Variants in EMC7 observed in about 807,000 individuals in gnomAD.
EMC7 encodes ER membrane protein complex subunit 7.
A neutral mutation model predicts 24.4 loss-of-function variants in EMC7; 4 were observed. The observed-to-expected ratio is 0.16, with a 90% confidence interval of 0.08 to 0.38. The LOEUF (loss-of-function observed/expected upper bound fraction) is 0.38. EMC7 is among the 10% of genes least tolerant of loss of function. EMC7 has a pLI of 1.00. For missense variants in EMC7, 221 were observed against 300.6 expected, an observed-to-expected ratio of 0.74 and a Z score of 1.96; for synonymous variants, 106 against 112.0, an observed-to-expected ratio of 0.95 and a Z score of 0.34.
chr15:34,088,414 CAG>C (rs1900924192), intron 3 of EMC7, among the ~76,000 whole-genome samples: 2 of 151,044 alleles, frequency 1.3e-5, no homozygotes, highest in Admixed American at 1.3e-4. Context: ...TATCTTTTTG[CAG>C]AGTTACAGTG....
At chr15:34,086,411 CA>C (rs1900887430) in intron 4 of EMC7, 2 of 162,444 alleles carry the variant, frequency 1.2e-5, no homozygotes, top group South Asian at 1.4e-4. Context: ...TTACTATGTG[CA>C]AAGCACTTCA....
chr15:34,096,018 GA>G lies in EMC7; in HGVS notation c.237-5del. ...AACCACAAAACTCCCATCTGTCCTGGAAAAATGAAAATCATGTTTAGCTACT... is the reference window on the plus strand; with the variant it reads ...AACCACAAAACTCCCATCTGTCCTGGAAAATGAAAATCATGTTTAGCTACT... On this transcript the variant is annotated splice_region_variant and splice_polypyrimidine_tract_variant and intron_variant, in intron 1 of 4. Coordinates refer to ENST00000256545, the MANE Select transcript of EMC7 (RefSeq NM_020154.3). 2 of 1,547,696 alleles carry G rather than the reference GA, an allele frequency of 1.3e-6. No homozygotes were observed. Among genetic ancestry groups the G allele is most frequent in the Non-Finnish European group, 8.8e-7 (1 of 1,135,728 alleles).
At position 34,101,800 on chromosome 15, in the gene EMC7, G is replaced by A. The variant is rs1291085071; in HGVS notation, c.40C>T (p.Leu14=). Residue 14 remains leucine (L), a synonymous_variant, in exon 1 of 5, where the codon CTG becomes TTG. Coordinates refer to ENST00000256545, the MANE Select transcript of EMC7 (RefSeq NM_020154.3). The part of the protein sequence containing the change: ...ALWGFFPVLL[L]LLLSGDVQSS... The stretch of plus-strand genomic sequence containing the variant: ...TGGACATCCCCCGATAGCAGCAGCA[G>A]CAGCAGGACGGGAAAGAAGCCCCAC... 6.2e-7 allele frequency: 1 copy of A among 1,612,222 alleles called. No homozygotes were observed. The highest frequency in any genetic ancestry group is 2.2e-5 in the East Asian group (1 of 44,870).
At position 34,088,118 on chromosome 15, in the gene EMC7, G is replaced by C. The variant is rs994825366; in HGVS notation, c.511C>G (p.Leu171Val). ...LMNPMVMMMV[L>V]PLLIFVLLPK... ...AGAAGCACAAATATCAATAAAGGAA[G>C]AACCATCATCATAACCTGCAGAAAA... Residue 171 changes from leucine to valine, a missense_variant, in exon 4 of 5, where the codon CTT becomes GTT. Transcript: ENST00000256545. 6.2e-7 allele frequency: 1 copy of C among 1,610,592 alleles called. No homozygotes were observed. The highest frequency in any genetic ancestry group is 1.7e-5 in the Admixed American group (1 of 59,664).
At position 34,101,527 on chromosome 15, in the gene EMC7, T is replaced by C. The variant is rs1026689060; in HGVS notation, c.236+77A>G. On this transcript the variant is annotated intron_variant, in intron 1 of 4. Transcript: ENST00000256545. ...CTGAGACAGCGACGTTGTCCCGTCC[T>C]GACACTTAACTCTCCTGGTGGGGTC... 5.4e-6 allele frequency: 8 copies of C among 1,483,830 alleles called. 1 individual carries two copies. In the South Asian group the frequency reaches 9.8e-5, roughly 18 times the overall value. The allele number at this position is 1,483,830 out of a possible 1,614,324, so 91.9% of individuals were successfully genotyped here.
chr15:34,097,358 A>G (rs540667040), intron 1 of EMC7, among the ~76,000 whole-genome samples: 1 of 152,146 alleles, frequency 6.6e-6, no homozygotes, highest in South Asian at 2.1e-4. Flanking sequence ...TTAACAAATA[A>G]TAAAAGGTAT....
intron 1 of EMC7, chr15:34,101,135 A>T (rs1901167433): frequency 6.5e-6 from 1 of 152,766 alleles, no homozygotes; most frequent in Non-Finnish European, 1.4e-5. Context: ...CTCCCAGTCT[A>T]TGTCGTCACT....
Position 34,090,313 on chromosome 15 carries a change from A to C in EMC7, c.495+4T>G. 1.9e-6 allele frequency: 3 copies of C among 1,611,582 alleles called. No individual in the cohort carries two copies. Among genetic ancestry groups the C allele is most frequent in the Non-Finnish European group, 2.5e-6 (3 of 1,179,170 alleles). On this transcript the variant is annotated splice_donor_region_variant and intron_variant, in intron 3 of 4. Transcript: ENST00000256545. Reference sequence around the variant, plus strand: ...AAAGTGCTTTATTTTAGCCTGATACATACCATTGGGTTCATTAGAAAGTCT... The same window carrying C: ...AAAGTGCTTTATTTTAGCCTGATACCTACCATTGGGTTCATTAGAAAGTCT...
intron 3 of EMC7, among the ~76,000 whole-genome samples, chr15:34,089,077 C>T (rs565763912): frequency 3.9e-5 from 6 of 152,194 alleles, no homozygotes; most frequent in South Asian, 2.1e-4. Flanking sequence ...AGGCTGGTCT[C>T]GAACTCCTGA....
At chr15:34,095,727 T>C (rs1223062311) in intron 2 of EMC7, among the ~76,000 whole-genome samples, 168 bp downstream of exon 2, 2 of 152,200 alleles carry the variant, frequency 1.3e-5, no homozygotes, top group Non-Finnish European at 2.9e-5. Flanking sequence ...AACTTTACAA[T>C]TTTTTCAATG....
At chr15:34,096,053 A>C (rs1567503436) in intron 1 of EMC7, 39 bp from the exon 2 acceptor site, 1 of 1,478,472 alleles carries the variant, frequency 6.8e-7, no homozygotes, top group East Asian at 2.4e-5. Context: ...CTACTGATCA[A>C]CAGCTTAGTC....
In EMC7 at chr15:34,084,262, C is replaced by T; in HGVS notation, c.*72G>A. The T allele has an allele frequency of 6.5e-7, 1 of 1,544,196 alleles. No individual in the cohort carries two copies. Among genetic ancestry groups the T allele is most frequent in the Admixed American group, 1.9e-5 (1 of 52,446 alleles). On this transcript the variant is annotated 3_prime_UTR_variant, in exon 5 of 5. Coordinates refer to ENST00000256545, the MANE Select transcript of EMC7 (RefSeq NM_020154.3). ...ACTCAAGTTTATAGTAGTTGCTTCACACGGTTTTCCAAGACTTGGATGCCA... is the reference window on the plus strand; with the variant it reads ...ACTCAAGTTTATAGTAGTTGCTTCATACGGTTTTCCAAGACTTGGATGCCA...
In EMC7 at chr15:34,085,430, A is replaced by C. The variant is rs148522470; in HGVS notation, c.577-944T>G. Among the ~76,000 whole-genome samples, 779 of 152,304 alleles carry C rather than the reference A, an allele frequency of 5.1e-3. 5 individuals carry two copies. Among genetic ancestry groups the C allele is most frequent in the African/African-American group, 0.018 (735 of 41,568 alleles). ...TCAAAGTGAACTTAAAATTGACTTTAGTTCATTCATACATGAAAAAGATAG... is the reference window on the plus strand; with the variant it reads ...TCAAAGTGAACTTAAAATTGACTTTCGTTCATTCATACATGAAAAAGATAG... On this transcript the variant is annotated intron_variant, in intron 4 of 4. Coordinates refer to ENST00000256545, the MANE Select transcript of EMC7 (RefSeq NM_020154.3).
chr15:34,095,413 G>A (rs1901048789), intron 2 of EMC7, among the ~76,000 whole-genome samples: 1 of 152,010 alleles, frequency 6.6e-6, no homozygotes, highest in South Asian at 2.1e-4. Flanking sequence ...CACCTCAATT[G>A]TTTTCCCTAG....
intron 2 of EMC7, among the ~76,000 whole-genome samples, chr15:34,092,261 T>TCACACA (rs375005510): frequency 0.23 from 32,428 of 141,508 alleles, 3,802 homozygotes; most frequent in Middle Eastern, 0.32. Flanking sequence ...TGAGACTCCG[T>TCACACA]CACACACACA....
chr15:34,089,381 C>T (rs951841534), intron 3 of EMC7, among the ~76,000 whole-genome samples: 1 of 152,100 alleles, frequency 6.6e-6, no homozygotes, highest in Non-Finnish European at 1.5e-5. Context: ...TAATACACAT[C>T]GTATGCCTAT....
intron 1 of EMC7, 21 bp downstream of exon 1, chr15:34,101,583 C>A: frequency 6.2e-7 from 1 of 1,611,232 alleles, no homozygotes. Context: ...GCCTTTTTCC[C>A]GCTGCCCTCA....
chr15:34,084,492 A>G lies in EMC7; in HGVS notation c.577-6T>C. On this transcript the variant is annotated splice_polypyrimidine_tract_variant and splice_region_variant and intron_variant, in intron 4 of 4. Transcript: ENST00000256545. ...TTCATTGACTGCTCCATTTCCTGCA[A>G]GAAGACAAGGCACAATGATATGTAG... The G allele has an allele frequency of 6.2e-7, 1 of 1,611,336 alleles. No individual in the cohort carries two copies. Among genetic ancestry groups the G allele is most frequent in the Non-Finnish European group, 8.5e-7 (1 of 1,177,736 alleles).
intron 2 of EMC7, 63 bp from the exon 3 acceptor site, chr15:34,090,518 C>T: frequency 1.9e-6 from 3 of 1,543,194 alleles, no homozygotes; most frequent in Non-Finnish European, 2.6e-6. Flanking sequence ...GTTAAAAGAA[C>T]TGCTTATATT....
Sources: allele counts gnomAD v4.1 joint callset (sites outside exome capture counted in the v4.1 genomes callset), GRCh38; gene constraint gnomAD v4.1.1; transcripts MANE v1.5; gene names NCBI Gene and HGNC (gene_info 2026-07-23, HGNC 2026-07-21).